Variants in SYT2 observed in about 807,000 individuals in gnomAD.
SYT2 encodes the protein synaptotagmin 2.
Under a neutral mutation model 39.9 loss-of-function variants are expected in SYT2, and 15 were observed. The ratio of observed to expected loss-of-function variants is 0.38; its 90% CI spans 0.25 to 0.58. The LOEUF is 0.58. Among genes scored for constraint, SYT2 ranks in the 20% least tolerant of loss-of-function variants. The pLI, the probability that SYT2 is intolerant of heterozygous loss-of-function variation, is 0.70. For missense variants in SYT2, 389 were observed against 530.3 expected (o/e 0.73, Z 2.62); for synonymous variants, 181 against 204.5 (o/e 0.89, Z 0.98).
chr1:202,703,386 G>C (rs1004435354), intron 1 of SYT2, among the ~76,000 whole-genome samples: 5 of 152,114 alleles, frequency 3.3e-5, no homozygotes, highest in African/African-American at 1.2e-4. Flanking sequence ...GTGAGGAAGG[G>C]AGTAAAAAGA....
chr1:202,652,462 ATG>A (rs906764535), intron 1 of SYT2, among the ~76,000 whole-genome samples: 2 of 152,162 alleles, frequency 1.3e-5, no homozygotes, highest in Non-Finnish European at 2.9e-5. Context: ...TAGTGCACCA[ATG>A]TGTCTTCCCT....
At chr1:202,662,868 A>G (rs2149106417) in intron 1 of SYT2, among the ~76,000 whole-genome samples, 1 of 152,294 alleles carries the variant, frequency 6.6e-6, no homozygotes, top group South Asian at 2.1e-4. Context: ...TACAGAATAG[A>G]TTTGCAAAGT....
intron 1 of SYT2, among the ~76,000 whole-genome samples, chr1:202,672,364 T>C (rs1255946976): frequency 6.6e-6 from 1 of 152,098 alleles, no homozygotes; most frequent in Non-Finnish European, 1.5e-5. Context: ...GGGAAGAGGA[T>C]GTAGCCAGAA....
intron 1 of SYT2, among the ~76,000 whole-genome samples, chr1:202,669,297 A>G (rs1262067561): frequency 6.6e-6 from 1 of 152,062 alleles, no homozygotes; most frequent in Non-Finnish European, 1.5e-5. Flanking sequence ...AGGCAGGAGG[A>G]TCACTTGAGC....
rs939698481 is a variant in SYT2 at position 202,640,778 on chromosome 1, G to C, written c.-17-34989C>G. Among the ~76,000 whole-genome samples the C allele has an allele frequency of 4.4e-4, 57 of 129,794 alleles. 1 individual carries two copies. Among genetic ancestry groups the C allele is most frequent in the African/African-American group, 1.8e-3 (50 of 28,396 alleles). 85.1% of individuals were successfully genotyped at this position (129,794 alleles called of 152,430 possible). ...AGAGAGAGAGAGAGAGAGAGAGAGA[G>C]AGAGAGAGAGAGAGACAGACAGACA... is the stretch of plus-strand genomic sequence containing the variant. On this transcript the variant is annotated intron_variant, in intron 1 of 8. Coordinates refer to ENST00000367268, the MANE Select transcript of SYT2 (RefSeq NM_177402.5).
At chr1:202,639,411 G>T in intron 1 of SYT2, 1 of 742,200 alleles carries the variant, frequency 1.3e-6, no homozygotes, top group Non-Finnish European at 1.6e-6. Flanking sequence ...GGGCTGGCAA[G>T]CTCCGTCGCT....
At position 202,596,806 on chromosome 1, in the gene SYT2, G is replaced by A. The variant is rs1248128742; in HGVS notation, c.1211C>T (p.Ser404Leu). Residue 404 changes from serine (S) to leucine (L), a missense_variant, in exon 9 of 9, where the codon TCG becomes TTG. Transcript: ENST00000367268. ...NPRRPIAQWHSLKPEEEVDAL... is the reference protein window; with the variant it reads ...NPRRPIAQWHLLKPEEEVDAL... ...ATCCACCTCCTCCTCAGGCTTGAGCGAGTGCCACTGGGCGATGGGCCTCCG... is the reference window on the plus strand; with the variant it reads ...ATCCACCTCCTCCTCAGGCTTGAGCAAGTGCCACTGGGCGATGGGCCTCCG... 8 of 1,614,054 alleles carry A rather than the reference G, an allele frequency of 5.0e-6. No individual in the cohort carries two copies. The highest frequency in any genetic ancestry group is 1.3e-5 in the African/African-American group (1 of 74,934).
intron 1 of SYT2, among the ~76,000 whole-genome samples, chr1:202,611,360 G>C (rs1385083932): frequency 6.6e-6 from 1 of 151,772 alleles, no homozygotes; most frequent in Non-Finnish European, 1.5e-5. Context: ...GTGTTTTTTT[G>C]TTGTTTTTGA....
intron 1 of SYT2, among the ~76,000 whole-genome samples, chr1:202,693,367 G>T (rs78382612): frequency 6.6e-6 from 1 of 152,198 alleles, no homozygotes; most frequent in Non-Finnish European, 1.5e-5. Context: ...CCATGGGGAA[G>T]GGTACAGTGC....
intron 1 of SYT2, among the ~76,000 whole-genome samples, chr1:202,655,372 G>GGTT (rs989224459): frequency 6.6e-6 from 1 of 152,096 alleles, no homozygotes; most frequent in South Asian, 2.1e-4. Flanking sequence ...TTGTGTTCTG[G>GGTT]GTTGTTGTTG....
intron 1 of SYT2, among the ~76,000 whole-genome samples, chr1:202,682,600 C>A (rs1395488130): frequency 1.3e-5 from 2 of 152,096 alleles, no homozygotes; most frequent in Admixed American, 1.3e-4. Flanking sequence ...CACACCTGGA[C>A]ATAGGCGTGG....
In SYT2 at chr1:202,592,716, C is replaced by G. The variant is rs927234786; in HGVS notation, c.*4041G>C. The stretch of plus-strand genomic sequence containing the variant: ...ATGTGTCTTCAAGTCACAGTGTCCC[C>G]TTCTCAATATTGCAGTTCAAAAAAC... On this transcript the variant is annotated 3_prime_UTR_variant, in exon 9 of 9. Transcript: ENST00000367268. The G allele has an allele frequency of 6.6e-6, 1 of 152,150 alleles. No homozygotes were observed. The highest frequency in any genetic ancestry group is 1.5e-5 in the Non-Finnish European group (1 of 68,026). The allele number at this position is 152,150 out of a possible 1,614,324, so 9.4% of individuals were successfully genotyped here. A position where few individuals can be genotyped will look rare whatever the true frequency, so the allele number is the denominator to read the frequency against.
intron 1 of SYT2, among the ~76,000 whole-genome samples, chr1:202,670,283 A>G (rs1692563503): frequency 6.6e-6 from 1 of 152,314 alleles, no homozygotes; most frequent in African/African-American, 2.4e-5. Flanking sequence ...TTACTCCTGA[A>G]GCTGAGGAAC....
At chr1:202,660,773 G>A (rs190734909) in intron 1 of SYT2, among the ~76,000 whole-genome samples, 118 of 152,240 alleles carry the variant, frequency 7.8e-4, no homozygotes, top group Non-Finnish European at 1.2e-3. Context: ...ATAAGCCACC[G>A]CGTCATGCCG....
chr1:202,665,151 C>T (rs1692458314), intron 1 of SYT2, among the ~76,000 whole-genome samples: 1 of 152,164 alleles, frequency 6.6e-6, no homozygotes, highest in Admixed American at 6.5e-5. Flanking sequence ...AACTCTGCTG[C>T]CTCCTAAGAG....
intron 1 of SYT2, chr1:202,639,837 G>A: frequency 2.0e-6 from 2 of 985,382 alleles, no homozygotes; most frequent in Non-Finnish European, 2.4e-6. Context: ...GGGGCATTTT[G>A]GGGGATCGTG....
intron 1 of SYT2, among the ~76,000 whole-genome samples, chr1:202,652,154 TGATGCCAG>T (rs1692206316): frequency 6.6e-6 from 1 of 152,250 alleles, no homozygotes; most frequent in Admixed American, 6.5e-5. Flanking sequence ...TGGTGGTGGC[TGATGCCAG>T]TGGAAGGGGC....
chr1:202,618,306 T>C (rs1243570835), intron 1 of SYT2, among the ~76,000 whole-genome samples: 2 of 152,232 alleles, frequency 1.3e-5, no homozygotes, highest in Middle Eastern at 3.4e-3. Flanking sequence ...CCCAGGGCTC[T>C]TTCCACAAAC....
intron 1 of SYT2, among the ~76,000 whole-genome samples, chr1:202,644,237 G>A (rs1320302039): frequency 6.6e-6 from 1 of 152,074 alleles, no homozygotes; most frequent in Non-Finnish European, 1.5e-5. Flanking sequence ...GGGAGAGGAG[G>A]AAGAGCGTCT....
Sources: gnomAD v4.1 joint callset for allele counts (sites outside exome capture counted in the v4.1 genomes callset) on GRCh38, gnomAD v4.1.1 for gene constraint, MANE v1.5 for transcripts, NCBI Gene and HGNC (gene_info 2026-07-23, HGNC 2026-07-21) for gene names.